Variants in KSR1 observed in about 807,000 individuals in gnomAD.
KSR1 encodes kinase suppressor of ras.
In KSR1, 35 loss-of-function variants were observed where a neutral mutation model predicts 92.9. The observed-to-expected ratio is 0.38, with a 90% CI of 0.29 to 0.50. The LOEUF is 0.50. KSR1 is among the 20% of genes least tolerant of loss of function. The pLI, the probability that KSR1 is intolerant of heterozygous loss-of-function variation, is 0.94. For missense variants in KSR1, 972 were observed against 1,158.5 expected, an observed-to-expected ratio of 0.84 and a Z score of 2.34; for synonymous variants, 467 against 472.6, an observed-to-expected ratio of 0.99 and a Z score of 0.15.
At chr17:27,578,660 C>T in intron 3 of KSR1, 1 of 152,244 alleles carries the variant, frequency 6.6e-6, no homozygotes, top group East Asian at 1.9e-4. Flanking sequence ...GCCACCCAAG[C>T]TGAGATCTTT....
chr17:27,558,879 T>G (rs1393361498), intron 2 of KSR1, among the ~76,000 whole-genome samples: 1 of 152,164 alleles, frequency 6.6e-6, no homozygotes, highest in Non-Finnish European at 1.5e-5. Flanking sequence ...GATTTGTCCC[T>G]TCAGTCACTT....
intron 18 of KSR1, 74 bp from the exon 19 acceptor site, chr17:27,617,221 T>C: frequency 1.4e-6 from 2 of 1,468,436 alleles, no homozygotes; most frequent in African/African-American, 1.4e-5. Flanking sequence ...AGGGACCCTT[T>C]GTGGAGCACC....
rs962718139 is a variant in KSR1 at position 27,623,540 on chromosome 17, C to A, written c.*148C>A. 4.5e-6 allele frequency: 3 copies of A among 671,962 alleles called. No individual in the cohort carries two copies. Among genetic ancestry groups the A allele is most frequent in the African/African-American group, 1.8e-5 (1 of 55,138 alleles). The allele number at this position is 671,962 out of a possible 1,614,324, so 41.6% of individuals were successfully genotyped here. ...CTAGATTCAGACTGTTGGCCATAAA[C>A]CCCACTCGGGAGATGGAGCTGCACC... On this transcript the variant is annotated 3_prime_UTR_variant, in exon 21 of 21. Coordinates refer to ENST00000644974, the MANE Select transcript of KSR1 (RefSeq NM_001394583.1).
chr17:27,621,536 G>A (rs542507159), intron 20 of KSR1, among the ~76,000 whole-genome samples: 4 of 152,292 alleles, frequency 2.6e-5, no homozygotes, highest in South Asian at 2.1e-4. Context: ...TCCCTGGGTC[G>A]GAGAAAATTC....
intron 1 of KSR1, among the ~76,000 whole-genome samples, chr17:27,521,263 G>A (rs1239100559): frequency 6.6e-6 from 1 of 152,008 alleles, no homozygotes; most frequent in Non-Finnish European, 1.5e-5. Context: ...CAAGCTGAAA[G>A]GACTGCTCAG....
At chr17:27,553,441 C>T (rs1443207472) in intron 2 of KSR1, among the ~76,000 whole-genome samples, 2 of 152,210 alleles carry the variant, frequency 1.3e-5, no homozygotes, top group Admixed American at 6.5e-5. Context: ...GAGAGGGCGG[C>T]ACACCAGCCT....
intron 1 of KSR1, among the ~76,000 whole-genome samples, chr17:27,461,599 C>T (rs1394472564): frequency 6.6e-6 from 1 of 152,220 alleles, no homozygotes; most frequent in Non-Finnish European, 1.5e-5. Flanking sequence ...TTTTTGTGTC[C>T]ACTTTCACCC....
chr17:27,564,301 A>G (rs983867144), intron 2 of KSR1, among the ~76,000 whole-genome samples: 16 of 152,276 alleles, frequency 1.1e-4, no homozygotes, highest in Non-Finnish European at 2.1e-4. Context: ...TTCAGTAGCT[A>G]TTTGTTGACT....
chr17:27,622,601 G>A (rs2074256293), intron 20 of KSR1: 1 of 152,688 alleles, frequency 6.5e-6, no homozygotes, highest in Non-Finnish European at 1.5e-5. Flanking sequence ...CAGAAAAATT[G>A]TCTTAAAGCA....
Position 27,573,983 on chromosome 17 carries a change from A to G in KSR1, c.373-3509A>G, listed in dbSNP as rs545365489. 3.3e-5 allele frequency among the ~76,000 whole-genome samples: 5 copies of G among 152,356 alleles called. No homozygotes were observed. In the South Asian group the frequency reaches 1.0e-3, roughly 32 times the overall value. ...GAAAAAGAATCCCTATTTGCATTAT[A>G]GTTAGGTTGAAGATTGGGTTTCCTC... On this transcript the variant is annotated intron_variant, in intron 2 of 20. Transcript: ENST00000644974.
intron 1 of KSR1, among the ~76,000 whole-genome samples, chr17:27,526,046 C>CTTTTCTT (rs1555576231): frequency 0.085 from 5,072 of 59,674 alleles, 201 homozygotes; most frequent in Non-Finnish European, 0.1. Flanking sequence ...TCTTTTCTTT[C>CTTTTCTT]TCTCTCTCTC....
intron 18 of KSR1, among the ~76,000 whole-genome samples, chr17:27,613,426 G>A (rs182655273): frequency 0.015 from 2,258 of 152,322 alleles, 27 homozygotes; most frequent in Non-Finnish European, 0.026. Flanking sequence ...GCAAAAAAGA[G>A]GGGGTCCTCC....
Position 27,547,858 on chromosome 17 carries a change from G to A in KSR1, c.232-2710G>A, listed in dbSNP as rs757208929. The stretch of plus-strand genomic sequence containing the variant: ...CTCCCGAGTAGCTGGGATTACCGGC[G>A]TGTGCCACCATGCCTGGCTAATTTT... On this transcript the variant is annotated intron_variant, in intron 1 of 20. Transcript: ENST00000644974. 5.9e-5 allele frequency among the ~76,000 whole-genome samples: 9 copies of A among 152,050 alleles called. No homozygotes were observed. The South Asian group carries it at 8.3e-4, about 14-fold the overall frequency.
chr17:27,514,772 C>A (rs1256579401), intron 1 of KSR1, among the ~76,000 whole-genome samples: 1 of 152,206 alleles, frequency 6.6e-6, no homozygotes, highest in African/African-American at 2.4e-5. Flanking sequence ...ACGTTGCTGC[C>A]TCCTGTCTTT....
chr17:27,558,163 C>T (rs919959258), intron 2 of KSR1: 2 of 152,570 alleles, frequency 1.3e-5, no homozygotes, highest in African/African-American at 4.8e-5. Context: ...TCTTCCACTT[C>T]GCGGGGATAA....
In KSR1 at chr17:27,582,790, C is replaced by A; in HGVS notation, c.665C>A (p.Ala222Asp). The A allele has an allele frequency of 6.2e-7, 1 of 1,613,488 alleles. No homozygotes were observed. Among genetic ancestry groups the A allele is most frequent in the Non-Finnish European group, 8.5e-7 (1 of 1,179,718 alleles). ...SSQLGRAGNSAQGPRSISVSA... is the reference protein window; with the variant it reads ...SSQLGRAGNSDQGPRSISVSA... The stretch of plus-strand genomic sequence containing the variant: ...CAGCTGGGCAGAGCAGGCAACAGCG[C>A]CCAGGGCCCACGCTCCATCTCCGTG... Residue 222 changes from alanine to aspartate, a missense_variant, in exon 4 of 21, where the codon GCC becomes GAC. Around this residue, in one of 5 missense-constraint regions of KSR1, gnomAD observed 611 missense variants for 668.0 expected, o/e 0.91. Transcript: ENST00000644974.
At chr17:27,526,580 G>T in intron 1 of KSR1, 1 of 1,592,308 alleles carries the variant, frequency 6.3e-7, no homozygotes, top group Non-Finnish European at 8.6e-7. Flanking sequence ...ATTTGTATCA[G>T]TTGCAATTGT....
intron 1 of KSR1, among the ~76,000 whole-genome samples, chr17:27,534,580 C>T (rs2070689899): frequency 2.0e-5 from 3 of 152,196 alleles, no homozygotes; most frequent in Admixed American, 6.5e-5. Context: ...GGCCTCTAGG[C>T]CCCAGCACCT....
At chr17:27,580,975 C>G (rs2151164046) in intron 3 of KSR1, among the ~76,000 whole-genome samples, 1 of 152,212 alleles carries the variant, frequency 6.6e-6, no homozygotes, top group South Asian at 2.1e-4. Flanking sequence ...CCATGTTGGC[C>G]AGGTTGGTCT....
Sources: gnomAD v4.1 joint callset for allele counts (sites outside exome capture counted in the v4.1 genomes callset) on GRCh38, gnomAD v4.1.1 for gene constraint, gnomAD v4.1.1 regional missense constraint, MANE v1.5 for transcripts, NCBI Gene and HGNC (gene_info 2026-07-23, HGNC 2026-07-21) for gene names.